Variants in TRPC4 observed in about 807,000 individuals in gnomAD.
TRPC4 encodes short transient receptor potential channel 4.
Under a neutral mutation model 99.4 loss-of-function variants are expected in TRPC4, and 49 were observed. The ratio of observed to expected loss-of-function variants is 0.49; its 90% confidence interval spans 0.39 to 0.63. The LOEUF is 0.63. Among genes scored for constraint, TRPC4 ranks in the 20% least tolerant of loss-of-function variants. The pLI is 0.00. For synonymous variants in TRPC4, 454 were observed against 425.9 expected (o/e 1.07, Z -0.81); for missense variants, 898 against 1,152.9 (o/e 0.78, Z 3.20).
At chr13:37,642,958 C>T (rs1951770679) in intron 8 of TRPC4, among the ~76,000 whole-genome samples, 1 of 152,078 alleles carries the variant, frequency 6.6e-6, no homozygotes, top group Non-Finnish European at 1.5e-5. Flanking sequence ...TCTCGAACTC[C>T]TGACCTTGAG....
chr13:37,822,733 G>A (rs1032367933), intron 1 of TRPC4, among the ~76,000 whole-genome samples: 36 of 151,986 alleles, frequency 2.4e-4, no homozygotes, highest in African/African-American at 8.5e-4. Flanking sequence ...ATGAACATAC[G>A]TGTGCATGTG....
At position 37,644,247 on chromosome 13, in the gene TRPC4, T is replaced by TAAGAGAAGA. The variant is rs1449742244; in HGVS notation, c.2080-4957_2080-4949dup. 3.9e-5 allele frequency among the ~76,000 whole-genome samples: 6 copies of TAAGAGAAGA among 152,182 alleles called. No individual in the cohort carries two copies. The South Asian group carries it at 1.2e-3, about 32-fold the overall frequency. On this transcript the variant is annotated intron_variant, in intron 8 of 10. Transcript: ENST00000379705. ...TGAACTTCAAAGGGATTTGTTACCT[T>TAAGAGAAGA]AAGAGAAGATATCTTTTTCTTATAA...
intron 1 of TRPC4, among the ~76,000 whole-genome samples, chr13:37,853,291 G>T (rs1009257251): frequency 2.6e-5 from 4 of 152,152 alleles, no homozygotes; most frequent in South Asian, 2.1e-4. Context: ...TGAAAGTGAG[G>T]TAAATGAATA....
chr13:37,810,978 T>C (rs1957670565), intron 1 of TRPC4, among the ~76,000 whole-genome samples: 1 of 152,078 alleles, frequency 6.6e-6, no homozygotes, highest in African/African-American at 2.4e-5. Flanking sequence ...TTTCACACTA[T>C]TATAATCGCA....
intron 7 of TRPC4, among the ~76,000 whole-genome samples, chr13:37,652,770 G>C (rs941427577): frequency 1.1e-3 from 1 of 888 alleles, no homozygotes; most frequent in Non-Finnish European, 5.8e-3. Flanking sequence ...CTTAGATAAA[G>C]CATTGGCCTG....
chr13:37,830,876 T>C (rs979248190), intron 1 of TRPC4, among the ~76,000 whole-genome samples: 6 of 150,080 alleles, frequency 4.0e-5, no homozygotes, highest in African/African-American at 1.5e-4. Context: ...GTTTTAACTT[T>C]CTTTTACTAT....
intron 2 of TRPC4, among the ~76,000 whole-genome samples, chr13:37,767,852 G>A (rs1404549521): frequency 6.6e-6 from 1 of 151,278 alleles, no homozygotes; most frequent in Non-Finnish European, 1.5e-5. Context: ...TGTAGCTAGT[G>A]GAAGAAAACA....
chr13:37,729,436 T>C (rs1955173108), intron 3 of TRPC4, among the ~76,000 whole-genome samples: 1 of 109,766 alleles, frequency 9.1e-6, no homozygotes, highest in South Asian at 2.9e-4. Flanking sequence ...TTCTCAAAAA[T>C]TAAAAAAAAT....
At chr13:37,667,701 A>T (rs1446833663) in intron 5 of TRPC4, among the ~76,000 whole-genome samples, 1 of 152,114 alleles carries the variant, frequency 6.6e-6, no homozygotes, top group East Asian at 1.9e-4. Context: ...TGACCTTCTG[A>T]TTTTTCAACT....
chr13:37,663,868 C>A, intron 5 of TRPC4, 139 bp from the exon 6 acceptor site: 1 of 719,612 alleles, frequency 1.4e-6, no homozygotes. Context: ...AACACACTTG[C>A]CAATTCTAGA....
chr13:37,822,566 C>T (rs1203926666), intron 1 of TRPC4, among the ~76,000 whole-genome samples: 4 of 151,478 alleles, frequency 2.6e-5, no homozygotes, highest in Non-Finnish European at 5.9e-5. Context: ...TGATGATTTC[C>T]AATTTCATCC....
At chr13:37,800,214 G>A (rs1957366930) in intron 1 of TRPC4, among the ~76,000 whole-genome samples, 1 of 152,018 alleles carries the variant, frequency 6.6e-6, no homozygotes, top group African/African-American at 2.4e-5. Context: ...TTTATTTAGA[G>A]ATAGGTCTTA....
intron 1 of TRPC4, among the ~76,000 whole-genome samples, chr13:37,846,153 G>A (rs1417854450): frequency 6.6e-6 from 1 of 152,068 alleles, no homozygotes; most frequent in Non-Finnish European, 1.5e-5. Context: ...ATCACCACTA[G>A]GCGTGATTTA....
In TRPC4 at chr13:37,636,548, T is replaced by C. The variant is rs1951523577; in HGVS notation, c.*355A>G. On this transcript the variant is annotated 3_prime_UTR_variant, in exon 11 of 11. Coordinates refer to ENST00000379705, the MANE Select transcript of TRPC4 (RefSeq NM_016179.4). The stretch of plus-strand genomic sequence containing the variant: ...TTTCAGCCACATTGGTTTTTGAATA[T>C]AAAAATATCTATTTTAGGAGTCAAC... 6.1e-6 allele frequency: 1 copy of C among 164,072 alleles called. No homozygotes were observed. Among genetic ancestry groups the C allele is most frequent in the Non-Finnish European group, 1.3e-5 (1 of 76,460 alleles). 10.2% of individuals were successfully genotyped at this position (164,072 alleles called of 1,614,324 possible). A position where few individuals can be genotyped will look rare whatever the true frequency, so the allele number is the denominator to read the frequency against.
intron 2 of TRPC4, among the ~76,000 whole-genome samples, chr13:37,753,565 G>GAGAA (rs1332235145): frequency 1.9e-5 from 1 of 52,782 alleles, no homozygotes; most frequent in African/African-American, 4.5e-5. Flanking sequence ...AAGAAAGAGA[G>GAGAA]AGAGAGAGAA....
intron 4 of TRPC4, among the ~76,000 whole-genome samples, chr13:37,676,517 C>A (rs900879404): frequency 3.3e-5 from 5 of 152,034 alleles, no homozygotes; most frequent in Non-Finnish European, 7.4e-5. Flanking sequence ...GGACTACAGG[C>A]ACGCACTACC....
In TRPC4 at chr13:37,639,270, A is replaced by T. The variant is rs781091186; in HGVS notation, c.2109T>A (p.His703Gln). 1 of 1,613,708 alleles carries T rather than the reference A, an allele frequency of 6.2e-7. No individual in the cohort carries two copies. Among genetic ancestry groups the T allele is most frequent in the Admixed American group, 1.7e-5 (1 of 59,992 alleles). The change falls in exon 9 of 11, where the codon CAT becomes CAA. Residue 703 changes from histidine (H) to glutamine (Q), a missense_variant. Around this residue, in one of 3 missense-constraint regions of TRPC4, gnomAD observed 346 missense variants for 351.4 expected, o/e 0.98. Transcript: ENST00000379705. ...AAGGACAACTTACTTGGTATTGGTG[A>T]TGTCTTCTCAAGTTATCAGCAGCTC... ...GRRAADNLRR[H>Q]HQYQEVMRNL...
chr13:37,843,435 T>C (rs145383733), intron 1 of TRPC4, among the ~76,000 whole-genome samples: 1,552 of 152,292 alleles, frequency 0.01, 15 homozygotes, highest in Non-Finnish European at 0.015. Flanking sequence ...CAACTTAGCA[T>C]GACAATTATG....
chr13:37,743,247 T>C (rs1216142531), intron 3 of TRPC4, among the ~76,000 whole-genome samples: 2 of 152,166 alleles, frequency 1.3e-5, no homozygotes, highest in Non-Finnish European at 1.5e-5. Context: ...TGTTACATGC[T>C]ATATGTTTTT....
Sources: allele counts gnomAD v4.1 joint callset (sites outside exome capture counted in the v4.1 genomes callset), GRCh38; gene constraint gnomAD v4.1.1; regional missense constraint gnomAD v4.1.1; transcripts MANE v1.5; gene names NCBI Gene and HGNC (gene_info 2026-07-23, HGNC 2026-07-21).